Variants in XRCC4 observed in about 807,000 individuals in gnomAD.
XRCC4 encodes the protein X-ray repair cross complementing 4, also known as DNA repair protein XRCC4.
A neutral mutation model predicts 39.1 loss-of-function variants in XRCC4; 28 were observed. That is an observed-to-expected ratio of 0.72 (90% CI 0.53 to 0.98). The LOEUF is 0.98. XRCC4 is among the 50% of genes least tolerant of loss of function. XRCC4 has a pLI of 0.00. For missense variants in XRCC4, 350 were observed against 376.4 expected, an observed-to-expected ratio of 0.93 and a Z score of 0.58; for synonymous variants, 123 against 126.4, an observed-to-expected ratio of 0.97 and a Z score of 0.18.
intron 7 of XRCC4, among the ~76,000 whole-genome samples, chr5:83,301,168 A>G (rs1247928901): frequency 6.6e-6 from 1 of 152,192 alleles, no homozygotes; most frequent in Non-Finnish European, 1.5e-5. Flanking sequence ...GTCTTCCACA[A>G]TGGTTGAACT....
intron 3 of XRCC4, among the ~76,000 whole-genome samples, chr5:83,124,702 G>A (rs1426507404): frequency 6.6e-6 from 1 of 152,184 alleles, no homozygotes; most frequent in Non-Finnish European, 1.5e-5. Flanking sequence ...TCACTGGAAT[G>A]CATGCATGCT....
chr5:83,225,224 A>G (rs1214214399), intron 6 of XRCC4, among the ~76,000 whole-genome samples: 1 of 152,156 alleles, frequency 6.6e-6, no homozygotes, highest in African/African-American at 2.4e-5. Context: ...TTGTCTGGTC[A>G]GTACCTGGAG....
At chr5:83,198,309 A>C (rs1751036263) in intron 4 of XRCC4, among the ~76,000 whole-genome samples, 1 of 152,104 alleles carries the variant, frequency 6.6e-6, no homozygotes. Context: ...GGAAGGACAC[A>C]ATGTAAGGGA....
intron 3 of XRCC4, among the ~76,000 whole-genome samples, chr5:83,185,667 C>T (rs1750407220): frequency 6.6e-6 from 1 of 151,752 alleles, no homozygotes; most frequent in African/African-American, 2.4e-5. Flanking sequence ...ATTAAAACAG[C>T]ATGTTATTGG....
intron 7 of XRCC4, among the ~76,000 whole-genome samples, chr5:83,331,456 T>C (rs1395267531): frequency 6.6e-6 from 1 of 152,084 alleles, no homozygotes; most frequent in Admixed American, 6.6e-5. Context: ...GGAGTGGAAA[T>C]TAGTTCAGAC....
At chr5:83,109,528 A>G (rs1417539101) in intron 2 of XRCC4, among the ~76,000 whole-genome samples, 3 of 151,996 alleles carry the variant, frequency 2.0e-5, no homozygotes, top group African/African-American at 7.2e-5. Context: ...GATAGCCTAA[A>G]TTAACACAGG....
At chr5:83,289,432 ATGTT>A (rs1472790797) in intron 7 of XRCC4, among the ~76,000 whole-genome samples, 2 of 151,848 alleles carry the variant, frequency 1.3e-5, no homozygotes, top group African/African-American at 4.8e-5. Context: ...GCTATATTTA[ATGTT>A]TGTTGTAGCT....
intron 6 of XRCC4, among the ~76,000 whole-genome samples, chr5:83,224,624 G>C (rs1412303570): frequency 1.3e-5 from 2 of 152,084 alleles, no homozygotes; most frequent in Non-Finnish European, 2.9e-5. Flanking sequence ...ACTTTTAAAT[G>C]TTTTTAAGTT....
At chr5:83,158,213 C>T (rs1749050661) in intron 3 of XRCC4, among the ~76,000 whole-genome samples, 2 of 152,044 alleles carry the variant, frequency 1.3e-5, no homozygotes, top group African/African-American at 4.8e-5. Flanking sequence ...CTGTAATGGT[C>T]TTTTATGTTT....
At chr5:83,214,558 C>G (rs1301177695) in intron 6 of XRCC4, among the ~76,000 whole-genome samples, 1 of 152,020 alleles carries the variant, frequency 6.6e-6, no homozygotes, top group Admixed American at 6.6e-5. Context: ...ATTGGCCAGG[C>G]ACGGTGGCTC....
At chr5:83,221,670 C>T (rs1752088031) in intron 6 of XRCC4, among the ~76,000 whole-genome samples, 1 of 151,722 alleles carries the variant, frequency 6.6e-6, no homozygotes, top group Non-Finnish European at 1.5e-5. Context: ...AATTTGATGG[C>T]AGAGCAAATA....
intron 3 of XRCC4, among the ~76,000 whole-genome samples, chr5:83,146,117 G>A (rs1032038798): frequency 2.6e-5 from 4 of 152,108 alleles, no homozygotes; most frequent in Admixed American, 6.5e-5. Flanking sequence ...CCTAGTTTAT[G>A]CCTTGCCTAA....
At chr5:83,229,724 G>A (rs1393806591) in intron 6 of XRCC4, among the ~76,000 whole-genome samples, 9 of 132,192 alleles carry the variant, frequency 6.8e-5, no homozygotes, top group African/African-American at 2.7e-4. Context: ...GGAAAACACC[G>A]AGTTAATAAA....
At chr5:83,360,205 C>T in the XRCC4 span, among the ~76,000 whole-genome samples, 1 of 152,094 alleles carries the variant, frequency 6.6e-6, no homozygotes, top group Non-Finnish European at 1.5e-5. Context: ...CTCTGTCACT[C>T]TCTCATATAA....
intron 1 of XRCC4, among the ~76,000 whole-genome samples, chr5:83,094,884 C>CTT (rs74373750): frequency 0.078 from 9,893 of 127,642 alleles, 846 homozygotes; most frequent in East Asian, 0.44. Context: ...ATTCTGAAAT[C>CTT]TTTTTTTTTT....
Position 83,203,657 on chromosome 5 carries a change from T to G in XRCC4, c.588T>G (p.Asn196Lys). The change falls in exon 5 of 8, where the codon AAT becomes AAG. Residue 196 changes from asparagine (N) to lysine (K), a missense_variant. By Grantham distance (94) the Asn-to-Lys change is moderately conservative (BLOSUM62 0). Coordinates refer to ENST00000396027, the MANE Select transcript of XRCC4 (RefSeq NM_003401.5). Reference sequence around the variant, plus strand: ...AAACAAAAATCAGAAGTTTGCATAATAAATTATTAAATGCAGCTCAAGAAC... The same window carrying G: ...AAACAAAAATCAGAAGTTTGCATAAGAAATTATTAAATGCAGCTCAAGAAC... The part of the protein sequence containing the change: ...EKKTKIRSLH[N>K]KLLNAAQERE... The G allele has an allele frequency of 6.2e-7, 1 of 1,610,498 alleles. No homozygotes were observed. The highest frequency in any genetic ancestry group is 8.5e-7 in the Non-Finnish European group (1 of 1,178,604).
chr5:83,158,338 A>G (rs1439345442), intron 3 of XRCC4, among the ~76,000 whole-genome samples: 4 of 152,156 alleles, frequency 2.6e-5, no homozygotes, highest in Non-Finnish European at 4.4e-5. Context: ...ACTATCCTAC[A>G]TATAATAGTT....
At position 83,118,067 on chromosome 5, in the gene XRCC4, CACACACACACATAT is replaced by C. The variant is rs760076842; in HGVS notation, c.315+6865_315+6878del. Among the ~76,000 whole-genome samples, 130 of 113,038 alleles carry C rather than the reference CACACACACACATAT, an allele frequency of 1.2e-3. No individual in the cohort carries two copies. The Middle Eastern group carries it at 0.012, about 10-fold the overall frequency. 74.2% of individuals were successfully genotyped at this position (113,038 alleles called of 152,430 possible). On this transcript the variant is annotated intron_variant, in intron 3 of 7. Transcript: ENST00000396027. ...CTCCACACACACACACACACACACA[CACACACACACATAT>C]GTATATAGTGAATATCTAAAACTCT...
chr5:83,173,784 C>T (rs969294394), intron 3 of XRCC4, among the ~76,000 whole-genome samples: 6 of 152,228 alleles, frequency 3.9e-5, no homozygotes, highest in Non-Finnish European at 8.8e-5. Context: ...CTGTAGTTTC[C>T]CTAAAATCAC....
Sources: gnomAD v4.1 joint callset for allele counts (sites outside exome capture counted in the v4.1 genomes callset) on GRCh38, gnomAD v4.1.1 for gene constraint, MANE v1.5 for transcripts, NCBI Gene and HGNC (gene_info 2026-07-23, HGNC 2026-07-21) for gene names.